Variants in MARK2 observed in about 807,000 individuals in gnomAD.
MARK2 encodes microtubule affinity regulating kinase 2.
A neutral mutation model predicts 89.8 loss-of-function variants in MARK2; 16 were observed. The observed-to-expected ratio is 0.18, with a 90% CI of 0.12 to 0.27. MARK2 has a LOEUF of 0.27. MARK2 is among the 10% of genes least tolerant of loss of function. The pLI is 1.00. For missense variants in MARK2, 621 were observed against 1,049.9 expected (o/e 0.59, Z 5.65); for synonymous variants, 382 against 399.5 (o/e 0.96, Z 0.52).
chr11:63,877,100 CTTTTTTTTTTTTT>C (rs757123411), intron 1 of MARK2, among the ~76,000 whole-genome samples: 5 of 79,526 alleles, frequency 6.3e-5, no homozygotes, highest in South Asian at 5.0e-4. Flanking sequence ...CAATCAGACT[CTTTTTTTTTTTTT>C]TTTTTTTTTT....
At chr11:63,893,143 A>T (rs1217562332) in intron 1 of MARK2, among the ~76,000 whole-genome samples, 2 of 150,472 alleles carry the variant, frequency 1.3e-5, no homozygotes, top group Non-Finnish European at 3.0e-5. Context: ...CGAACTCCTG[A>T]CCTCAAGCAA....
At chr11:63,848,549 A>ATTTT (rs779169841) in intron 1 of MARK2, among the ~76,000 whole-genome samples, 2 of 123,728 alleles carry the variant, frequency 1.6e-5, no homozygotes, top group Non-Finnish European at 3.4e-5. Context: ...CACCCGGCTA[A>ATTTT]TTTTTTTTTT....
intron 1 of MARK2, among the ~76,000 whole-genome samples, chr11:63,854,239 A>G (rs1348757325): frequency 7.6e-6 from 1 of 131,082 alleles, no homozygotes; most frequent in Non-Finnish European, 1.6e-5. Context: ...TCACTGTGTC[A>G]CTTAGGCTGG....
In MARK2 at chr11:63,908,300, CTCA is replaced by C; in HGVS notation, c.2003_2005del (p.Leu668del). The stretch of plus-strand genomic sequence containing the variant: ...TGAAAGCAAAGACCGAGTGGAGACG[CTCA>C]GGTGAGAGGGCTGGAGCCAGCACTG... On this transcript the variant is annotated inframe_deletion and splice_region_variant, in exon 18 of 19. Transcript: ENST00000402010. 1 of 1,562,734 alleles carries C rather than the reference CTCA, an allele frequency of 6.4e-7. No homozygotes were observed. The highest frequency in any genetic ancestry group is 8.7e-7 in the Non-Finnish European group (1 of 1,152,814).
chr11:63,861,866 C>G (rs1275975984), intron 1 of MARK2, among the ~76,000 whole-genome samples: 4 of 151,346 alleles, frequency 2.6e-5, no homozygotes, highest in African/African-American at 7.3e-5. Flanking sequence ...CTCAGCCTCC[C>G]AAGTAGCTGG....
intron 1 of MARK2, among the ~76,000 whole-genome samples, chr11:63,859,654 CAG>C (rs1407102567): frequency 1.3e-5 from 2 of 148,874 alleles, no homozygotes; most frequent in East Asian, 4.0e-4. Flanking sequence ...TTTTTCGAGA[CAG>C]AGTCCCACTC....
At chr11:63,886,037 G>C (rs1024318928) in intron 1 of MARK2, among the ~76,000 whole-genome samples, 18 of 151,838 alleles carry the variant, frequency 1.2e-4, no homozygotes, top group Non-Finnish European at 1.6e-4. Context: ...GCTGAGGCAG[G>C]AGAGTTACTT....
Position 63,909,341 on chromosome 11 carries a change from T to G in MARK2, c.*104T>G. ...GACTGCAGCGATGGATTGGTGTGTCTCCCCTGCTGGCACTTCTCCCCTCCC... is the reference window on the plus strand; with the variant it reads ...GACTGCAGCGATGGATTGGTGTGTCGCCCCTGCTGGCACTTCTCCCCTCCC... On this transcript the variant is annotated 3_prime_UTR_variant, in exon 19 of 19. Transcript: ENST00000402010. 1 of 1,239,874 alleles carries G rather than the reference T, an allele frequency of 8.1e-7. No homozygotes were observed. Among genetic ancestry groups the G allele is most frequent in the Non-Finnish European group, 1.1e-6 (1 of 922,846 alleles). The allele number at this position is 1,239,874 out of a possible 1,614,324, so 76.8% of individuals were successfully genotyped here. A position where few individuals can be genotyped will look rare whatever the true frequency, so the allele number is the denominator to read the frequency against.
chr11:63,853,514 C>T (rs2016679415), intron 1 of MARK2, among the ~76,000 whole-genome samples: 1 of 152,178 alleles, frequency 6.6e-6, no homozygotes, highest in Non-Finnish European at 1.5e-5. Context: ...GCTGTATCAG[C>T]ACCAACTGCT....
In MARK2 at chr11:63,906,119, G is replaced by C; in HGVS notation, c.1961+5G>C. 7.6e-7 allele frequency: 1 copy of C among 1,323,906 alleles called. No homozygotes were observed. Among genetic ancestry groups the C allele is most frequent in the Non-Finnish European group, 9.6e-7 (1 of 1,036,466 alleles). The allele number at this position is 1,323,906 out of a possible 1,614,324, so 82.0% of individuals were successfully genotyped here. A position where few individuals can be genotyped will look rare whatever the true frequency, so the allele number is the denominator to read the frequency against. On this transcript the variant is annotated splice_donor_5th_base_variant and intron_variant, in intron 17 of 18. Coordinates refer to ENST00000402010, the MANE Select transcript of MARK2 (RefSeq NM_001039469.3). ...GTCTTTCAGGTTTGCCAGAAGGTAG[G>C]CGTTGAGCCCGCTGTGTGTGTGTGT...
chr11:63,905,148 G>C, intron 16 of MARK2, 105 bp downstream of exon 16: 5 of 1,310,770 alleles, frequency 3.8e-6, no homozygotes, highest in Non-Finnish European at 5.3e-6. Context: ...CTCTGTACCG[G>C]TATTGGGTCC....
At chr11:63,855,252 C>T (rs2135221670) in intron 1 of MARK2, among the ~76,000 whole-genome samples, 1 of 152,258 alleles carries the variant, frequency 6.6e-6, no homozygotes, top group Non-Finnish European at 1.5e-5. Context: ...GGCATGGTGG[C>T]TCACGCCTGT....
chr11:63,888,890 C>T (rs774100930), intron 1 of MARK2: 3 of 1,343,244 alleles, frequency 2.2e-6, no homozygotes, highest in African/African-American at 1.5e-5. Context: ...ACTTTGCCCT[C>T]GCTGCCTGAC....
chr11:63,850,832 T>A (rs1409084191), intron 1 of MARK2, among the ~76,000 whole-genome samples: 1 of 152,158 alleles, frequency 6.6e-6, no homozygotes, highest in Non-Finnish European at 1.5e-5. Flanking sequence ...CTTTTCTTTC[T>A]TCCTTTCTTT....
Position 63,900,179 on chromosome 11 carries a change from C to T in MARK2, c.768+69C>T. 2 of 1,166,724 alleles carry T rather than the reference C, an allele frequency of 1.7e-6. No homozygotes were observed. The highest frequency in any genetic ancestry group is 2.6e-6 in the Non-Finnish European group (2 of 783,832). 72.3% of individuals were successfully genotyped at this position (1,166,724 alleles called of 1,614,324 possible). On this transcript the variant is annotated intron_variant, in intron 8 of 18. Coordinates refer to ENST00000402010, the MANE Select transcript of MARK2 (RefSeq NM_001039469.3). This position sits in a 1 kb window ranked among gnomAD's most constrained non-coding sequence, Gnocchi z 4.7. ...GGCCTCTGGTCTTAGCCCTGACCTC[C>T]TGCCTTTGCCACCTGTCTACATTTG...
rs1941012496 is a variant in MARK2 at position 63,902,849 on chromosome 11, C to T, written c.1416+67C>T. The T allele has an allele frequency of 4.4e-6, 6 of 1,357,854 alleles. No individual in the cohort carries two copies. The highest frequency in any genetic ancestry group is 3.6e-5 in the Admixed American group (2 of 55,052). 84.1% of individuals were successfully genotyped at this position (1,357,854 alleles called of 1,614,324 possible). On this transcript the variant is annotated intron_variant, in intron 13 of 18. Coordinates refer to ENST00000402010, the MANE Select transcript of MARK2 (RefSeq NM_001039469.3). The surrounding 1 kb of genome is among the most constrained non-coding windows in gnomAD (Gnocchi z 4.2). The stretch of plus-strand genomic sequence containing the variant: ...GGCCTGCCCTCTCCAGGCAGCTCTT[C>T]TCTTAATTCAGACTCTGTTCCCTTT...
chr11:63,855,893 G>A (rs1398753539), intron 1 of MARK2, among the ~76,000 whole-genome samples: 2 of 152,140 alleles, frequency 1.3e-5, no homozygotes, highest in Non-Finnish European at 2.9e-5. Flanking sequence ...GAAAATACAG[G>A]TTTTTTATTT....
chr11:63,887,005 G>C (rs958487675), intron 1 of MARK2, among the ~76,000 whole-genome samples: 1 of 152,224 alleles, frequency 6.6e-6, no homozygotes, highest in African/African-American at 2.4e-5. Flanking sequence ...CTGAAGTCAG[G>C]GCCCACTTTT....
At chr11:63,860,144 C>G (rs545031052) in intron 1 of MARK2, among the ~76,000 whole-genome samples, 47 of 152,278 alleles carry the variant, frequency 3.1e-4, no homozygotes, top group Admixed American at 2.1e-3. Context: ...TTTGCATATA[C>G]TCATTCTCCA....
Sources: gnomAD v4.1 joint callset for allele counts (sites outside exome capture counted in the v4.1 genomes callset) on GRCh38, gnomAD v4.1.1 for gene constraint, Gnocchi (gnomAD v3.1) non-coding constraint, MANE v1.5 for transcripts, NCBI Gene and HGNC (gene_info 2026-07-23, HGNC 2026-07-21) for gene names.